The following NFYA variants were observed in gnomAD, a reference collection of about 807,000 sequenced individuals.
NFYA encodes nuclear transcription factor Y subunit alpha.
Under a neutral mutation model 52.8 loss-of-function variants are expected in NFYA, and 28 were observed. That is an observed-to-expected ratio of 0.53 (90% CI 0.39 to 0.73). The LOEUF (loss-of-function observed/expected upper bound fraction) is 0.73. NFYA is among the 30% of genes least tolerant of loss of function. The probability of loss-of-function intolerance (pLI) is 0.00; values close to 1 mark genes in which losing one functional copy is unlikely to be tolerated. For missense variants in NFYA, 234 were observed against 427.0 expected, an observed-to-expected ratio of 0.55 and a Z score of 3.98; for synonymous variants, 150 against 150.7, an observed-to-expected ratio of 1.00 and a Z score of 0.03.
chr6:41,086,522 GT>G (rs35163651), intron 4 of NFYA, among the ~76,000 whole-genome samples: 2 of 151,892 alleles, frequency 1.3e-5, no homozygotes, highest in East Asian at 3.9e-4. Flanking sequence ...TTGTATAGGA[GT>G]TTTTTTTCTC....
intron 1 of NFYA, among the ~76,000 whole-genome samples, chr6:41,074,890 T>C (rs1418658128): frequency 6.6e-6 from 1 of 152,238 alleles, no homozygotes; most frequent in Non-Finnish European, 1.5e-5. Flanking sequence ...AAATTATTTT[T>C]ACTCATGTGA....
chr6:41,079,132 A>G lies in NFYA; in HGVS notation c.43A>G (p.Ile15Val), dbSNP rs758251167. Reference sequence around the variant, plus strand: ...AAACAGCAATAGTTCGACAGAGCAGATTGTTGTCCAGGCAGGACAGATTCA... The same window carrying G: ...AAACAGCAATAGTTCGACAGAGCAGGTTGTTGTCCAGGCAGGACAGATTCA... ...TANSNSSTEQ[I>V]VVQAGQIQQQ... Residue 15 changes from isoleucine (I) to valine (V), a missense_variant, in exon 2 of 10, where the codon ATT becomes GTT. Ile to Val is a conservative substitution (Grantham distance 29). Transcript: ENST00000341376. The G allele has an allele frequency of 6.2e-7, 1 of 1,614,218 alleles. No homozygotes were observed. The highest frequency in any genetic ancestry group is 2.2e-5 in the East Asian group (1 of 44,886).
chr6:41,092,457 T>C (rs780070222), intron 7 of NFYA, among the ~76,000 whole-genome samples: 1 of 152,250 alleles, frequency 6.6e-6, no homozygotes, highest in Non-Finnish European at 1.5e-5. Flanking sequence ...TACAGGACTC[T>C]GTTACTTGTT....
chr6:41,092,548 A>T (rs189332129), intron 7 of NFYA, among the ~76,000 whole-genome samples: 1 of 152,286 alleles, frequency 6.6e-6, no homozygotes, highest in African/African-American at 2.4e-5. Flanking sequence ...TATTTTTATA[A>T]ATATAGGCAT....
intron 1 of NFYA, among the ~76,000 whole-genome samples, chr6:41,077,136 A>C (rs1763755892): frequency 6.6e-6 from 1 of 152,222 alleles, no homozygotes; most frequent in African/African-American, 2.4e-5. Flanking sequence ...TAGTCAAGGA[A>C]AAAATCTCAT....
intron 1 of NFYA, among the ~76,000 whole-genome samples, chr6:41,074,077 C>T (rs886879608): frequency 1.3e-5 from 2 of 152,236 alleles, no homozygotes; most frequent in Non-Finnish European, 2.9e-5. Flanking sequence ...TGAAATCTCC[C>T]TCCCTTGGGA....
intron 5 of NFYA, 111 bp downstream of exon 5, chr6:41,089,821 T>TA (rs1485607414): frequency 6.9e-6 from 10 of 1,443,430 alleles, no homozygotes; most frequent in South Asian, 1.4e-5. Context: ...ATGAAAACCA[T>TA]AAAAAAATAT....
At chr6:41,089,782 C>A in intron 5 of NFYA, 72 bp downstream of exon 5, 1 of 1,528,172 alleles carries the variant, frequency 6.5e-7, no homozygotes, top group Non-Finnish European at 8.8e-7. Flanking sequence ...TCAGATATTT[C>A]ATGTATAGCA....
chr6:41,092,274 C>G (rs1255083361), intron 7 of NFYA, among the ~76,000 whole-genome samples: 1 of 152,206 alleles, frequency 6.6e-6, no homozygotes, highest in Admixed American at 6.5e-5. Flanking sequence ...CACCTGTAGT[C>G]CTAGCTACTT....
In NFYA at chr6:41,101,548, G is replaced by C. The variant is rs1279285056; in HGVS notation, c.*4138G>C. ...TTCGTTCAGTTAATTCGTTCTTGGC[G>C]TCATAAGTATATGCCCGCCGTTGTT... is the stretch of plus-strand genomic sequence containing the variant. On this transcript the variant is annotated 3_prime_UTR_variant, in exon 10 of 10. Transcript: ENST00000341376. 1.3e-5 allele frequency among the ~76,000 whole-genome samples: 2 copies of C among 152,082 alleles called. No homozygotes were observed. The highest frequency in any genetic ancestry group is 2.4e-5 in the African/African-American group (1 of 41,424).
rs1245260604 is a variant in NFYA at position 41,098,595 on chromosome 6, A to G, written c.*1185A>G. The G allele has an allele frequency of 1.3e-5, 2 of 152,690 alleles. No individual in the cohort carries two copies. Among genetic ancestry groups the G allele is most frequent in the African/African-American group, 2.4e-5 (1 of 41,450 alleles). 9.5% of individuals were successfully genotyped at this position (152,690 alleles called of 1,614,324 possible). A position where few individuals can be genotyped will look rare whatever the true frequency, so the allele number is the denominator to read the frequency against. On this transcript the variant is annotated 3_prime_UTR_variant, in exon 10 of 10. Transcript: ENST00000341376. Reference sequence around the variant, plus strand: ...GTCACACTGTCCTGGACAGAGTCCAAGTTACCCACTAAAGCTTGAGGTGGA... The same window carrying G: ...GTCACACTGTCCTGGACAGAGTCCAGGTTACCCACTAAAGCTTGAGGTGGA...
chr6:41,074,386 A>C (rs1763668972), intron 1 of NFYA, among the ~76,000 whole-genome samples: 1 of 152,194 alleles, frequency 6.6e-6, no homozygotes, highest in Admixed American at 6.5e-5. Flanking sequence ...TGCCTACCTG[A>C]TGGAAATTGA....
In NFYA at chr6:41,102,198, CA is replaced by C. The variant is rs1463132684; in HGVS notation, c.*4789del. 1 of 152,286 alleles carries C rather than the reference CA, an allele frequency of 6.6e-6. No homozygotes were observed. The highest frequency in any genetic ancestry group is 2.4e-5 in the African/African-American group (1 of 41,560). 9.4% of individuals were successfully genotyped at this position (152,286 alleles called of 1,614,324 possible). The stretch of plus-strand genomic sequence containing the variant: ...GAAGGGGGCCAGAAGTACTTTAAAA[CA>C]GGTACCAAAGGGTCATTCCTTTAGC... On this transcript the variant is annotated 3_prime_UTR_variant, in exon 10 of 10. Coordinates refer to ENST00000341376, the MANE Select transcript of NFYA (RefSeq NM_002505.5).
intron 3 of NFYA, among the ~76,000 whole-genome samples, chr6:41,082,967 A>G (rs1763948403): frequency 6.6e-6 from 1 of 152,204 alleles, no homozygotes; most frequent in Admixed American, 6.5e-5. Context: ...GGAGGACCTT[A>G]CTATCTAACC....
chr6:41,078,603 A>C (rs1434847429), intron 1 of NFYA, among the ~76,000 whole-genome samples: 2 of 152,206 alleles, frequency 1.3e-5, no homozygotes, highest in Non-Finnish European at 2.9e-5. Flanking sequence ...TGAGAAGGGT[A>C]AATTTTGCCT....
At chr6:41,073,740 G>C (rs953426418) in intron 1 of NFYA, among the ~76,000 whole-genome samples, 2 of 152,062 alleles carry the variant, frequency 1.3e-5, no homozygotes, top group East Asian at 1.9e-4. Flanking sequence ...TCTCCCTGGT[G>C]GGGAGAGGGG....
chr6:41,088,222 T>C (rs1305658134), intron 4 of NFYA, among the ~76,000 whole-genome samples: 1 of 151,528 alleles, frequency 6.6e-6, no homozygotes, highest in Non-Finnish European at 1.5e-5. Context: ...ATCGAGACCA[T>C]CCTGGTTAAC....
intron 5 of NFYA, 122 bp from the exon 6 acceptor site, chr6:41,090,082 T>A: frequency 1.5e-6 from 1 of 655,080 alleles, no homozygotes. Flanking sequence ...TGCACTGCAC[T>A]CCAGCCTGGC....
chr6:41,074,938 G>T (rs556267063), intron 1 of NFYA, among the ~76,000 whole-genome samples: 11 of 151,648 alleles, frequency 7.3e-5, no homozygotes, highest in Non-Finnish European at 1.2e-4. Context: ...AAGGTCTTAA[G>T]TATCTGGTGC....
Sources: allele counts gnomAD v4.1 joint callset (sites outside exome capture counted in the v4.1 genomes callset), GRCh38; gene constraint gnomAD v4.1.1; transcripts MANE v1.5; gene names NCBI Gene and HGNC (gene_info 2026-07-23, HGNC 2026-07-21).